Variants in APBA1 observed in about 807,000 individuals in gnomAD.
APBA1 encodes amyloid-beta A4 precursor protein-binding family A member 1.
Under a neutral mutation model 86.6 loss-of-function variants are expected in APBA1, and 55 were observed. That is an observed-to-expected ratio of 0.64 (90% confidence interval 0.51 to 0.80). The LOEUF (loss-of-function observed/expected upper bound fraction) is 0.80. APBA1 is among the 30% of genes least tolerant of loss of function. The probability of loss-of-function intolerance (pLI) is 0.00; values close to 1 mark genes in which losing one functional copy is unlikely to be tolerated. For missense variants in APBA1, 1,090 were observed against 1,183.0 expected, an observed-to-expected ratio of 0.92 and a Z score of 1.15; for synonymous variants, 511 against 493.9, an observed-to-expected ratio of 1.03 and a Z score of -0.46.
chr9:69,444,158 G>A (rs557336562), intron 10 of APBA1, among the ~76,000 whole-genome samples: 34 of 152,272 alleles, frequency 2.2e-4, no homozygotes, highest in African/African-American at 6.7e-4. Flanking sequence ...TCAGCTTGTG[G>A]CCTCGATGTA....
chr9:69,473,024 C>A (rs1326494505), intron 3 of APBA1, among the ~76,000 whole-genome samples: 1 of 152,212 alleles, frequency 6.6e-6, no homozygotes, highest in Non-Finnish European at 1.5e-5. Flanking sequence ...GGCAGCTTTT[C>A]AGTAAACCTG....
At chr9:69,441,971 C>A (rs146705841) in intron 10 of APBA1, among the ~76,000 whole-genome samples, 36 of 152,332 alleles carry the variant, frequency 2.4e-4, no homozygotes, top group African/African-American at 8.4e-4. Flanking sequence ...ACAGCAGTGA[C>A]AGAAGCCCTG....
At chr9:69,589,951 G>T (rs191451395) in intron 1 of APBA1, among the ~76,000 whole-genome samples, 1 of 152,270 alleles carries the variant, frequency 6.6e-6, no homozygotes, top group East Asian at 1.9e-4. Flanking sequence ...ATGAGGACTT[G>T]GTTTGGTAGT....
chr9:69,523,524 T>TAC (rs1272461433), intron 1 of APBA1, among the ~76,000 whole-genome samples: 2 of 41,564 alleles, frequency 4.8e-5, no homozygotes, highest in Non-Finnish European at 1.1e-4. Context: ...TATATATATA[T>TAC]ATATATATAG....
intron 1 of APBA1, among the ~76,000 whole-genome samples, chr9:69,670,167 G>A (rs959189939): frequency 1.3e-5 from 2 of 151,854 alleles, no homozygotes; most frequent in African/African-American, 4.8e-5. Flanking sequence ...AGAACATGGG[G>A]AAATTTACTT....
intron 10 of APBA1, among the ~76,000 whole-genome samples, chr9:69,447,219 G>A (rs908601088): frequency 2.0e-5 from 3 of 152,142 alleles, no homozygotes; most frequent in Non-Finnish European, 2.9e-5. Flanking sequence ...TGGGATTAGG[G>A]TTTCAATATG....
At chr9:69,531,995 C>G (rs892552068) in intron 1 of APBA1, among the ~76,000 whole-genome samples, 1 of 152,194 alleles carries the variant, frequency 6.6e-6, no homozygotes, top group Non-Finnish European at 1.5e-5. Context: ...TAATGTAGCT[C>G]TAAGAACAAG....
chr9:69,535,255 T>C (rs965275915), intron 1 of APBA1, among the ~76,000 whole-genome samples: 1 of 152,164 alleles, frequency 6.6e-6, no homozygotes, highest in Non-Finnish European at 1.5e-5. Flanking sequence ...GGCTGGTGGG[T>C]CTTGGGTGAG....
At chr9:69,578,130 G>A (rs990702093) in intron 1 of APBA1, among the ~76,000 whole-genome samples, 1 of 152,180 alleles carries the variant, frequency 6.6e-6, no homozygotes, top group African/African-American at 2.4e-5. Flanking sequence ...AATCAACCAA[G>A]CCAAATTAGG....
chr9:69,530,910 T>C (rs745799230), intron 1 of APBA1, among the ~76,000 whole-genome samples: 1 of 152,208 alleles, frequency 6.6e-6, no homozygotes, highest in Non-Finnish European at 1.5e-5. Context: ...GTCTTAATGG[T>C]TCATGTCTCT....
intron 2 of APBA1, among the ~76,000 whole-genome samples, chr9:69,482,945 A>T (rs1374789438): frequency 1.6e-5 from 2 of 126,546 alleles, no homozygotes; most frequent in African/African-American, 6.0e-5. Flanking sequence ...CAGGAAGGGG[A>T]ATATCACACT....
At chr9:69,482,686 C>A (rs533766950) in intron 2 of APBA1, among the ~76,000 whole-genome samples, 3 of 151,666 alleles carry the variant, frequency 2.0e-5, no homozygotes, top group Admixed American at 6.6e-5. Flanking sequence ...ATGTTTATTG[C>A]GGCATTAGTC....
At chr9:69,496,132 G>A (rs1835790806) in intron 2 of APBA1, among the ~76,000 whole-genome samples, 1 of 152,108 alleles carries the variant, frequency 6.6e-6, no homozygotes. Context: ...GCTGGATGGA[G>A]GAGCTCTTGG....
chr9:69,658,282 T>TTCTTTCTC lies in APBA1; in HGVS notation c.-70+13870_-70+13871insGAGAAAGA, dbSNP rs1554709948. Among the ~76,000 whole-genome samples, 35 of 39,834 alleles carry TTCTTTCTC rather than the reference T, an allele frequency of 8.8e-4. 1 individual carries two copies. Among genetic ancestry groups the TTCTTTCTC allele is most frequent in the African/African-American group, 1.9e-3 (30 of 15,960 alleles). 26.1% of individuals were successfully genotyped at this position (39,834 alleles called of 152,430 possible). On this transcript the variant is annotated intron_variant, in intron 1 of 12. Coordinates refer to ENST00000265381, the MANE Select transcript of APBA1 (RefSeq NM_001163.4). ...TTTCTTTCTTTCTTTCTTTCTTTCT[T>TTCTTTCTC]TCTCTCTCTCTTTCTCTCTCTCTCT...
At chr9:69,460,395 G>C (rs1373607071) in intron 5 of APBA1, among the ~76,000 whole-genome samples, 1 of 152,186 alleles carries the variant, frequency 6.6e-6, no homozygotes, top group African/African-American at 2.4e-5. Flanking sequence ...ACACCACGAG[G>C]ATTCCCGTGT....
Position 69,458,142 on chromosome 9 carries a change from T to C in APBA1, c.1515+14A>G. ...AGGCATAACACCAAGCTGATGAAGT[T>C]GTTTGTACTGCACCTTCTTCCTGCT... is the stretch of plus-strand genomic sequence containing the variant. On this transcript the variant is annotated intron_variant, in intron 6 of 12. Coordinates refer to ENST00000265381, the MANE Select transcript of APBA1 (RefSeq NM_001163.4). 2.5e-6 allele frequency: 4 copies of C among 1,609,186 alleles called. No homozygotes were observed. The highest frequency in any genetic ancestry group is 3.4e-6 in the Non-Finnish European group (4 of 1,178,612).
At chr9:69,473,622 C>T (rs1298226772) in intron 3 of APBA1, among the ~76,000 whole-genome samples, 1 of 152,072 alleles carries the variant, frequency 6.6e-6, no homozygotes, top group Non-Finnish European at 1.5e-5. Context: ...ACCAACATGG[C>T]ACATGTATAC....
At chr9:69,498,070 G>A (rs1244830368) in intron 2 of APBA1, among the ~76,000 whole-genome samples, 1 of 152,050 alleles carries the variant, frequency 6.6e-6, no homozygotes, top group East Asian at 1.9e-4. Context: ...TCTCCTCCCT[G>A]GGGAGGGAGC....
chr9:69,559,143 T>C (rs904028764), intron 1 of APBA1, among the ~76,000 whole-genome samples: 8 of 152,332 alleles, frequency 5.3e-5, no homozygotes, highest in South Asian at 4.1e-4. Flanking sequence ...TATCTCAGTC[T>C]TACAGAAATA....
Sources: allele counts gnomAD v4.1 joint callset (sites outside exome capture counted in the v4.1 genomes callset), GRCh38; gene constraint gnomAD v4.1.1; transcripts MANE v1.5; gene names NCBI Gene and HGNC (gene_info 2026-07-23, HGNC 2026-07-21).